TUG1: variants seen among roughly 807,000 people sequenced by gnomAD.
TUG1 encodes taurine upregulated gene 1.
At chr22:30,976,896 C>G (rs963569908) in exon 3 of TUG1, 2 of 152,216 alleles carry the variant, frequency 1.3e-5, no homozygotes, top group Admixed American at 1.3e-4. Flanking sequence ...TTGCTGTAGA[C>G]TGCTCGCCCT....
At chr22:30,975,873 G>A (rs146062236) in exon 3 of TUG1, 8 of 152,204 alleles carry the variant, frequency 5.3e-5, no homozygotes, top group African/African-American at 1.9e-4. Flanking sequence ...ACTCTACTTC[G>A]TGTGCAAGAG....
exon 1 of TUG1, chr22:30,970,179 A>G (rs1339441261): frequency 6.6e-6 from 1 of 152,042 alleles, no homozygotes; most frequent in Non-Finnish European, 1.5e-5. Flanking sequence ...TGGGGGAATG[A>G]TGGGAATTTG....
chr22:30,970,224 C>G (rs1016068020), exon 1 of TUG1: 8 of 152,080 alleles, frequency 5.3e-5, no homozygotes, highest in African/African-American at 1.9e-4. Context: ...GATGATCCAT[C>G]GCTAGCAAGT....
chr22:30,972,180 T>C (rs2041238625), intron 1 of TUG1: 1 of 152,190 alleles, frequency 6.6e-6, no homozygotes. Flanking sequence ...TCAGTAAGTG[T>C]TTTCTTAATT....
At chr22:30,976,577 T>A (rs2041289878) in exon 3 of TUG1, 1 of 152,202 alleles carries the variant, frequency 6.6e-6, no homozygotes, top group Admixed American at 6.5e-5. Context: ...CTGACTTCAT[T>A]CCTTGCCATG....
chr22:30,969,373 C>T (rs919192587), exon 1 of TUG1: 2 of 152,574 alleles, frequency 1.3e-5, no homozygotes, highest in Non-Finnish European at 2.9e-5. Context: ...CGCCCTCCCC[C>T]CCTCCCGGGT....
In TUG1 at chr22:30,977,274, A is replaced by G. The variant is rs138380692; in HGVS notation, c.*4799A>G. ...ATCTTTGAACAGCACCATTCAACCA[A>G]TCTGAGGCCTTGACTTGCTTGTAAG... On this transcript the variant is annotated 3_prime_UTR_variant, in exon 3 of 3. Coordinates refer to ENST00000644773, the Ensembl canonical transcript of TUG1. The G allele has an allele frequency of 9.2e-5, 14 of 152,260 alleles. No individual in the cohort carries two copies. The East Asian group carries it at 2.3e-3, about 25-fold the overall frequency. 9.4% of individuals were successfully genotyped at this position (152,260 alleles called of 1,614,324 possible).
intron 1 of TUG1, 182 bp from the exon 2 acceptor site, chr22:30,972,673 T>C (rs769741075): frequency 2.0e-5 from 3 of 152,664 alleles, no homozygotes; most frequent in Non-Finnish European, 2.9e-5. Context: ...CAGACTTTTG[T>C]GTTTTCTTTT....
exon 3 of TUG1, chr22:30,976,914 T>C (rs2041294755): frequency 1.3e-5 from 2 of 152,200 alleles, no homozygotes; most frequent in Admixed American, 6.5e-5. Context: ...CCTCAACAAA[T>C]AAAATCTGGT....
chr22:30,972,288 A>G (rs2041239505), intron 1 of TUG1: 1 of 152,202 alleles, frequency 6.6e-6, no homozygotes, highest in South Asian at 2.1e-4. Context: ...ATTTTGATCT[A>G]GGGAGCCCTC....
At chr22:30,973,084 C>T (rs190551765) in exon 2 of TUG1, 67 of 152,846 alleles carry the variant, frequency 4.4e-4, no homozygotes, top group African/African-American at 1.6e-3. Flanking sequence ...AGATTCAGCA[C>T]AGCCCTTTAT....
At chr22:30,976,621 A>T (rs2041290370) in exon 3 of TUG1, 1 of 152,176 alleles carries the variant, frequency 6.6e-6, no homozygotes, top group Non-Finnish European at 1.5e-5. Flanking sequence ...TAACAGACAT[A>T]AAGACAACTT....
At chr22:30,978,304 G>A (rs897854646) in exon 3 of TUG1, 12 of 152,124 alleles carry the variant, frequency 7.9e-5, no homozygotes, top group African/African-American at 2.4e-4. Context: ...GACTTCTTGA[G>A]GACAGGACAA....
At chr22:30,979,279 T>G (rs1158609602) in exon 3 of TUG1, 1 of 152,210 alleles carries the variant, frequency 6.6e-6, no homozygotes, top group Non-Finnish European at 1.5e-5. Context: ...TTCACAGCTT[T>G]CTTTGAACAG....
chr22:30,970,827 G>T (rs1018391128), exon 1 of TUG1: 5 of 152,134 alleles, frequency 3.3e-5, no homozygotes, highest in Admixed American at 2.0e-4. Context: ...GATGTTTGGG[G>T]TTTTTTTCTT....
At chr22:30,970,082 T>G (rs1455674263) in exon 1 of TUG1, 1 of 152,182 alleles carries the variant, frequency 6.6e-6, no homozygotes, top group Non-Finnish European at 1.5e-5. Flanking sequence ...AACTTAGCAG[T>G]TCCCCAATCC....
exon 3 of TUG1, chr22:30,977,090 C>T (rs888036119): frequency 1.3e-5 from 2 of 152,176 alleles, no homozygotes; most frequent in African/African-American, 4.8e-5. Context: ...CTGCCATACT[C>T]AGTCAAAAGG....
At chr22:30,975,379 TGAAC>T in exon 3 of TUG1, 1 of 152,352 alleles carries the variant, frequency 6.6e-6, no homozygotes, top group Non-Finnish European at 1.5e-5. Flanking sequence ...TACAACACCT[TGAAC>T]TCTTCCGAAC....
At chr22:30,970,387 A>G (rs997216673) in exon 1 of TUG1, 10 of 152,200 alleles carry the variant, frequency 6.6e-5, no homozygotes, top group African/African-American at 2.2e-4. Context: ...TTCTATGCAT[A>G]ATGGATATTC....
Sources: gnomAD v4.1 joint callset for allele counts on GRCh38, gnomAD v4.1.1 for gene constraint, MANE v1.5 for transcripts, NCBI Gene and HGNC (gene_info 2026-07-23, HGNC 2026-07-21) for gene names.